HDAC4: variants seen among roughly 807,000 people sequenced by gnomAD.
HDAC4 encodes the protein histone deacetylase A.
HDAC4 carries 16 observed loss-of-function variants against 135.1 expected under a neutral mutation model. The ratio of observed to expected loss-of-function variants is 0.12; its 90% CI spans 0.08 to 0.18. HDAC4 has a LOEUF of 0.18. Among genes scored for constraint, HDAC4 ranks in the 10% least tolerant of loss-of-function variants. HDAC4 has a pLI of 1.00. For missense variants in HDAC4, 1,143 were observed against 1,511.8 expected, an observed-to-expected ratio of 0.76 and a Z score of 4.05; for synonymous variants, 685 against 653.4, an observed-to-expected ratio of 1.05 and a Z score of -0.74.
At chr2:239,326,114 C>T (rs556575368) in intron 2 of HDAC4, among the ~76,000 whole-genome samples, 4 of 152,194 alleles carry the variant, frequency 2.6e-5, no homozygotes, top group East Asian at 1.9e-4. Context: ...AAAGTTAAGA[C>T]GGCCCAAAGG....
intron 2 of HDAC4, among the ~76,000 whole-genome samples, chr2:239,246,869 G>A (rs550200796): frequency 6.6e-6 from 1 of 152,372 alleles, no homozygotes; most frequent in African/African-American, 2.4e-5. Context: ...CTGCCCAGTG[G>A]CGAGGGCACA....
rs1482138123 is a variant in HDAC4, at chr2:239,108,202, G to C, written c.1979-19C>G. 6.3e-7 allele frequency: 1 copy of C among 1,586,750 alleles called. No homozygotes were observed. Among genetic ancestry groups the C allele is most frequent in the Non-Finnish European group, 8.6e-7 (1 of 1,168,022 alleles). On this transcript the variant is annotated intron_variant, in intron 14 of 26. Coordinates refer to ENST00000543185, the MANE Select transcript of HDAC4 (RefSeq NM_001378414.1). ...ACGAGGCCTGGGGCGGGGCAGAGGG[G>C]CCAAGATCAGCGCACATCCAGGGGC...
intron 12 of HDAC4, among the ~76,000 whole-genome samples, chr2:239,118,204 T>C (rs560762648): frequency 7.5e-4 from 114 of 151,138 alleles, no homozygotes; most frequent in African/African-American, 2.5e-3. Flanking sequence ...TGTTTTATGA[T>C]TGATCATCCC....
Position 239,115,319 on chromosome 2 carries a change from C to T in HDAC4, c.1534-9G>A, listed in dbSNP as rs375265585. ...CTTGGCTTGGGGATGATCTGCAAGGCGGAGGTAACACATGAAGCACAGAGA... is the reference window on the plus strand; with the variant it reads ...CTTGGCTTGGGGATGATCTGCAAGGTGGAGGTAACACATGAAGCACAGAGA... On this transcript the variant is annotated splice_polypyrimidine_tract_variant and intron_variant, in intron 12 of 26. Coordinates refer to ENST00000543185, the MANE Select transcript of HDAC4 (RefSeq NM_001378414.1). The surrounding 1 kb of genome is among the most constrained non-coding windows in gnomAD (Gnocchi z 6.3). 81 of 1,612,868 alleles carry T rather than the reference C, an allele frequency of 5.0e-5. No homozygotes were observed. The African/African-American group carries it at 8.8e-4, about 18-fold the overall frequency.
intron 2 of HDAC4, among the ~76,000 whole-genome samples, chr2:239,266,760 T>A (rs2049756566): frequency 6.6e-6 from 1 of 151,836 alleles, no homozygotes; most frequent in African/African-American, 2.4e-5. Context: ...ACTGTGAGCT[T>A]GTAAAGTGGA....
In HDAC4 at chr2:239,349,972, G is replaced by C. The variant is rs896049611; in HGVS notation, c.22+2706C>G. Among the ~76,000 whole-genome samples the C allele has an allele frequency of 6.6e-5, 10 of 152,192 alleles. No individual in the cohort carries two copies. Among genetic ancestry groups the C allele is most frequent in the Non-Finnish European group, 1.2e-4 (8 of 68,028 alleles). ...AGGCGCACACAACCCAACTCACATG[G>C]GCAGGACAGGCCCGGGCAGGCCGGT... On this transcript the variant is annotated intron_variant, in intron 2 of 26. Transcript: ENST00000543185. The surrounding 1 kb of genome is among the most constrained non-coding windows in gnomAD (Gnocchi z 5.7).
chr2:239,323,197 CA>C lies in HDAC4; in HGVS notation c.22+29480del, dbSNP rs138737731. Reference sequence around the variant, plus strand: ...TAAATACTGAAATATTACGGAGCTACAAAAAAATCCCATTGCTGTTCTATCG... The same window carrying C: ...TAAATACTGAAATATTACGGAGCTACAAAAAATCCCATTGCTGTTCTATCG... On this transcript the variant is annotated intron_variant, in intron 2 of 26. Coordinates refer to ENST00000543185, the MANE Select transcript of HDAC4 (RefSeq NM_001378414.1). 2.3e-3 allele frequency among the ~76,000 whole-genome samples: 345 copies of C among 152,170 alleles called. 2 individuals are homozygous for C. Among genetic ancestry groups the C allele is most frequent in the African/African-American group, 8.0e-3 (334 of 41,504 alleles).
chr2:239,082,114 C>T lies in HDAC4; in HGVS notation c.2640G>A (p.Gly880=). ...YDDGNFFPGS[G]APDEVGTGPG... is the part of the protein sequence containing the mutation. ...ATACCCCACCTACCTCATCAGGAGCCCCGCTGCCTGGGAAGAAGTTCCCAT... is the reference window on the plus strand; with the variant it reads ...ATACCCCACCTACCTCATCAGGAGCTCCGCTGCCTGGGAAGAAGTTCCCAT... The change falls in exon 21 of 27, where the codon GGG becomes GGA. Residue 880 remains glycine, a synonymous_variant. Coordinates refer to ENST00000543185, the MANE Select transcript of HDAC4 (RefSeq NM_001378414.1). The T allele has an allele frequency of 6.2e-7, 1 of 1,614,208 alleles. No individual in the cohort carries two copies. Among genetic ancestry groups the T allele is most frequent in the African/African-American group, 1.3e-5 (1 of 75,074 alleles).
At chr2:239,132,372 G>T (rs559292221) in intron 11 of HDAC4, among the ~76,000 whole-genome samples, 1 of 152,246 alleles carries the variant, frequency 6.6e-6, no homozygotes, top group Non-Finnish European at 1.5e-5. Flanking sequence ...CCTGCCAGGG[G>T]GTTTGCAGGA....
intron 2 of HDAC4, among the ~76,000 whole-genome samples, chr2:239,295,230 C>A (rs2051801259): frequency 6.8e-6 from 1 of 146,182 alleles, no homozygotes; most frequent in African/African-American, 2.5e-5. Flanking sequence ...TGGCGTGAAC[C>A]CGGGAGGCGG....
chr2:239,248,372 G>A (rs1349849690), intron 2 of HDAC4, among the ~76,000 whole-genome samples: 1 of 151,964 alleles, frequency 6.6e-6, no homozygotes, highest in Non-Finnish European at 1.5e-5. Context: ...TAGTAGGGAT[G>A]GGGTTTCACC....
chr2:239,244,143 C>T (rs1419767016), intron 2 of HDAC4, among the ~76,000 whole-genome samples: 1 of 152,180 alleles, frequency 6.6e-6, no homozygotes, highest in Non-Finnish European at 1.5e-5. Flanking sequence ...ACCTTCAAAC[C>T]GAACTTCATG....
chr2:239,263,241 C>A (rs2049484878), intron 2 of HDAC4, among the ~76,000 whole-genome samples: 2 of 151,072 alleles, frequency 1.3e-5, no homozygotes, highest in Admixed American at 1.3e-4. Flanking sequence ...TGCACATCAG[C>A]CATCCCGAAG....
At chr2:239,228,384 G>A (rs775381693) in intron 3 of HDAC4, among the ~76,000 whole-genome samples, 5 of 137,906 alleles carry the variant, frequency 3.6e-5, no homozygotes, top group Non-Finnish European at 6.2e-5. Context: ...GAGCCGGAAC[G>A]GGATGGCAGG....
At chr2:239,076,170 C>T (rs1345217699) in intron 22 of HDAC4, among the ~76,000 whole-genome samples, 1 of 151,570 alleles carries the variant, frequency 6.6e-6, no homozygotes, top group Non-Finnish European at 1.5e-5. Flanking sequence ...CTGGGCTTCC[C>T]AGGGGAACAG....
In HDAC4 at chr2:239,158,382, A is replaced by C. The variant is rs573450138; in HGVS notation, c.612-1609T>G. Among the ~76,000 whole-genome samples, 151 of 152,314 alleles carry C rather than the reference A, an allele frequency of 9.9e-4. 1 individual carries two copies. The highest frequency in any genetic ancestry group is 3.4e-3 in the African/African-American group (142 of 41,554). On this transcript the variant is annotated intron_variant, in intron 6 of 26. Coordinates refer to ENST00000543185, the MANE Select transcript of HDAC4 (RefSeq NM_001378414.1). ...TAAAAAGATCAGTATTTACATAATA[A>C]TAAATTTAAATAAATGGAATAAAAA... is the stretch of plus-strand genomic sequence containing the variant.
intron 1 of HDAC4, among the ~76,000 whole-genome samples, chr2:239,387,446 C>A (rs557656065): frequency 1.3e-5 from 2 of 152,178 alleles, no homozygotes; most frequent in African/African-American, 4.8e-5. Context: ...CAAAACCCCC[C>A]ACCTTCGCCT....
At chr2:239,170,950 C>A (rs2043413507) in intron 5 of HDAC4, among the ~76,000 whole-genome samples, 1 of 152,176 alleles carries the variant, frequency 6.6e-6, no homozygotes, top group African/African-American at 2.4e-5. Flanking sequence ...CAGAAATCCA[C>A]CAGGCCTTTG....
intron 1 of HDAC4, among the ~76,000 whole-genome samples, chr2:239,373,491 CAG>C (rs1694779946): frequency 3.3e-5 from 5 of 152,170 alleles, no homozygotes; most frequent in Non-Finnish European, 5.9e-5. Context: ...TGTTTTGAGA[CAG>C]AGTCTCACTC....
Sources: allele counts gnomAD v4.1 joint callset (sites outside exome capture counted in the v4.1 genomes callset), GRCh38; gene constraint gnomAD v4.1.1; non-coding constraint Gnocchi (gnomAD v3.1); transcripts MANE v1.5; gene names NCBI Gene and HGNC (gene_info 2026-07-23, HGNC 2026-07-21).